RALYL: variants seen among roughly 807,000 people sequenced by gnomAD.
The protein encoded by RALYL is RNA-binding Raly-like protein.
RALYL carries 29 observed loss-of-function variants against 35.1 expected under a neutral mutation model. The observed-to-expected ratio is 0.83, with a 90% CI of 0.61 to 1.13. The LOEUF is 1.13. Ranked by LOEUF, RALYL falls within the 50% of genes most tolerant of loss-of-function variation. RALYL has a pLI of 0.00. For synonymous variants in RALYL, 120 were observed against 127.6 expected (o/e 0.94, Z 0.40); for missense variants, 359 against 360.4 (o/e 1.00, Z 0.03).
chr8:84,237,575 A>G (rs1179709257), intron 1 of RALYL, among the ~76,000 whole-genome samples: 1 of 152,188 alleles, frequency 6.6e-6, no homozygotes, highest in Non-Finnish European at 1.5e-5. Context: ...TCTATTGACA[A>G]CAACAACAAT....
chr8:84,322,646 C>T (rs1365562010), intron 1 of RALYL, among the ~76,000 whole-genome samples: 1 of 151,968 alleles, frequency 6.6e-6, no homozygotes, highest in Non-Finnish European at 1.5e-5. Flanking sequence ...AGTCAAGGTA[C>T]CTTTTGTGAA....
At chr8:84,569,452 G>A (rs1807373632) in intron 2 of RALYL, among the ~76,000 whole-genome samples, 1 of 151,476 alleles carries the variant, frequency 6.6e-6, no homozygotes, top group South Asian at 2.1e-4. Flanking sequence ...TCTTGTTGAT[G>A]TGTTGAGTTT....
At chr8:84,711,854 T>TA (rs1327215207) in intron 2 of RALYL, among the ~76,000 whole-genome samples, 1 of 152,204 alleles carries the variant, frequency 6.6e-6, no homozygotes, top group African/African-American at 2.4e-5. Context: ...TTAAAACAAA[T>TA]ACTTATGTTG....
intron 5 of RALYL, among the ~76,000 whole-genome samples, chr8:84,859,613 C>T (rs1269342749): frequency 1.3e-5 from 2 of 152,056 alleles, no homozygotes; most frequent in Admixed American, 1.3e-4. Flanking sequence ...ATTTTAGGAG[C>T]CCAAGTTGGG....
intron 1 of RALYL, among the ~76,000 whole-genome samples, chr8:84,260,808 T>C (rs1437528620): frequency 2.0e-5 from 3 of 152,192 alleles, no homozygotes; most frequent in East Asian, 3.9e-4. Context: ...AAAAATCATA[T>C]GAATGGTGTT....
chr8:84,434,558 A>G (rs2047495519), intron 1 of RALYL, among the ~76,000 whole-genome samples: 1 of 152,196 alleles, frequency 6.6e-6, no homozygotes, highest in South Asian at 2.1e-4. Flanking sequence ...TGTACGTGCC[A>G]GTTATACCTT....
intron 3 of RALYL, among the ~76,000 whole-genome samples, chr8:84,779,884 A>T (rs1039387046): frequency 3.9e-5 from 6 of 152,222 alleles, no homozygotes; most frequent in Non-Finnish European, 5.9e-5. Flanking sequence ...AATGTTCCCT[A>T]GAACCTTGAA....
intron 4 of RALYL, among the ~76,000 whole-genome samples, chr8:84,819,199 C>T (rs1317128474): frequency 1.3e-5 from 2 of 152,122 alleles, no homozygotes; most frequent in African/African-American, 2.4e-5. Flanking sequence ...GCATTTGCTT[C>T]ATTTTTTTCC....
Position 84,849,843 on chromosome 8 carries a change from G to A in RALYL, c.366-137G>A, listed in dbSNP as rs1347923271. On this transcript the variant is annotated intron_variant, in intron 4 of 8. Coordinates refer to ENST00000521268, the MANE Select transcript of RALYL (RefSeq NM_173848.7). ...TATCAAATTGGACATTATCTTGGAA[G>A]GTCCTTTGGATGCATAATTATATTG... 12 of 512,432 alleles carry A rather than the reference G, an allele frequency of 2.3e-5. No individual in the cohort carries two copies. In the Admixed American group the frequency reaches 4.1e-4, roughly 17 times the overall value. 31.7% of individuals were successfully genotyped at this position (512,432 alleles called of 1,614,324 possible).
At chr8:84,326,219 T>G (rs190709212) in intron 1 of RALYL, among the ~76,000 whole-genome samples, 2 of 152,362 alleles carry the variant, frequency 1.3e-5, no homozygotes, top group Admixed American at 1.3e-4. Context: ...TAGTGTCATA[T>G]GTAATGTGTA....
chr8:84,798,973 A>C (rs1822568536), intron 3 of RALYL, among the ~76,000 whole-genome samples: 1 of 152,188 alleles, frequency 6.6e-6, no homozygotes, highest in Non-Finnish European at 1.5e-5. Flanking sequence ...GAGAAGGTAC[A>C]CTGGAACCTG....
chr8:84,358,608 G>A (rs936964808), intron 1 of RALYL, among the ~76,000 whole-genome samples: 30 of 152,110 alleles, frequency 2.0e-4, no homozygotes, highest in African/African-American at 7.0e-4. Flanking sequence ...GGTATGTGAA[G>A]CCTAGAATAC....
intron 1 of RALYL, among the ~76,000 whole-genome samples, chr8:84,256,376 A>G (rs1431951323): frequency 6.6e-6 from 1 of 152,172 alleles, no homozygotes. Context: ...ATTTTCATTA[A>G]TTCAAGTTGT....
chr8:84,527,407 T>C (rs550048454), intron 1 of RALYL, among the ~76,000 whole-genome samples: 1 of 152,310 alleles, frequency 6.6e-6, no homozygotes, highest in South Asian at 2.1e-4. Context: ...TGATCTAATC[T>C]AGCAATTCTT....
intron 3 of RALYL, among the ~76,000 whole-genome samples, chr8:84,792,184 C>T (rs1349122375): frequency 1.3e-5 from 2 of 152,216 alleles, no homozygotes; most frequent in South Asian, 4.1e-4. Context: ...TACCCGGGTC[C>T]TTGTCCAGCA....
intron 1 of RALYL, among the ~76,000 whole-genome samples, chr8:84,412,692 T>C (rs180754350): frequency 1.3e-5 from 2 of 152,158 alleles, no homozygotes; most frequent in East Asian, 3.9e-4. Flanking sequence ...ATAACTTTTA[T>C]GCTAAAAGCA....
At chr8:84,352,173 C>G (rs991173611) in intron 1 of RALYL, among the ~76,000 whole-genome samples, 2 of 150,002 alleles carry the variant, frequency 1.3e-5, no homozygotes, top group African/African-American at 5.0e-5. Context: ...TTTTTCCCCT[C>G]CAATTTGCTA....
At chr8:84,477,099 C>T (rs758490727) in intron 1 of RALYL, among the ~76,000 whole-genome samples, 5 of 152,100 alleles carry the variant, frequency 3.3e-5, no homozygotes, top group Non-Finnish European at 5.9e-5. Flanking sequence ...GTGTCATTCA[C>T]TTATTGCTAT....
rs371419419 is a variant in RALYL at position 84,185,964 on chromosome 8, A to G, written c.-24+1540A>G. Among the ~76,000 whole-genome samples, 9 of 152,328 alleles carry G rather than the reference A, an allele frequency of 5.9e-5. No individual in the cohort carries two copies. In the South Asian group the frequency reaches 8.3e-4, roughly 14 times the overall value. ...CGTGCAATGGGCCATTTAACTGTAG[A>G]AGATTAAAAGTTAGTGTAATATCTG... On this transcript the variant is annotated intron_variant, in intron 1 of 8. Coordinates refer to ENST00000521268, the MANE Select transcript of RALYL (RefSeq NM_173848.7).
Sources: gnomAD v4.1 joint callset for allele counts (sites outside exome capture counted in the v4.1 genomes callset) on GRCh38, gnomAD v4.1.1 for gene constraint, MANE v1.5 for transcripts, NCBI Gene and HGNC (gene_info 2026-07-23, HGNC 2026-07-21) for gene names.